The following INPP4B variants were observed in gnomAD, a reference collection of about 807,000 sequenced individuals.
INPP4B encodes inositol polyphosphate 4-phosphatase type II.
INPP4B carries 55 observed loss-of-function variants against 122.5 expected under a neutral mutation model. The observed-to-expected ratio is 0.45, with a 90% CI of 0.36 to 0.56. The LOEUF (loss-of-function observed/expected upper bound fraction) is 0.56, where lower values mean the gene tolerates loss of function less well. Ranked by LOEUF, INPP4B falls within the 20% of genes least tolerant of loss-of-function variation. The pLI is 0.00. For synonymous variants in INPP4B, 403 were observed against 388.7 expected (o/e 1.04, Z -0.43); for missense variants, 1,000 against 1,097.7 (o/e 0.91, Z 1.26).
chr4:142,438,000 A>AGATTTACACAATTTACAGGGGATAT (rs1472736784), intron 3 of INPP4B, among the ~76,000 whole-genome samples: 1 of 152,070 alleles, frequency 6.6e-6, no homozygotes, highest in African/African-American at 2.4e-5. Context: ...AATTGAAAAA[A>AGATTTACACAATTTACAGGGGATAT]GAAGGATCTC....
intron 7 of INPP4B, among the ~76,000 whole-genome samples, chr4:142,372,802 A>G (rs1432236607): frequency 6.6e-6 from 1 of 152,012 alleles, no homozygotes; most frequent in Non-Finnish European, 1.5e-5. Flanking sequence ...AGGAAGGAGT[A>G]ATTAGCTCAG....
intron 14 of INPP4B, among the ~76,000 whole-genome samples, chr4:142,193,792 AG>A (rs879634946): frequency 1.5e-3 from 232 of 152,292 alleles, no homozygotes; most frequent in Middle Eastern, 3.4e-3. Context: ...TCTGTTTTCT[AG>A]TAAGACACTT....
intron 2 of INPP4B, among the ~76,000 whole-genome samples, chr4:142,588,420 C>T (rs1324123417): frequency 6.6e-6 from 1 of 151,592 alleles, no homozygotes; most frequent in African/African-American, 2.4e-5. Flanking sequence ...GAACTAATTA[C>T]AAGAACAATA....
chr4:142,781,948 T>C (rs2151029906), intron 1 of INPP4B, among the ~76,000 whole-genome samples: 1 of 152,030 alleles, frequency 6.6e-6, no homozygotes, highest in South Asian at 2.1e-4. Context: ...CTAACTTTTG[T>C]CTTGCTAACC....
At chr4:142,353,988 TAA>T (rs1238528593) in intron 7 of INPP4B, among the ~76,000 whole-genome samples, 1 of 151,988 alleles carries the variant, frequency 6.6e-6, no homozygotes, top group Non-Finnish European at 1.5e-5. Flanking sequence ...CTTGGTGGTC[TAA>T]GTCATTTCCC....
At chr4:142,703,290 A>G (rs760673608) in intron 2 of INPP4B, among the ~76,000 whole-genome samples, 59 of 152,350 alleles carry the variant, frequency 3.9e-4, no homozygotes, top group Non-Finnish European at 6.8e-4. Context: ...AAATCTCAGA[A>G]TTTTAAATTA....
chr4:142,839,418 A>C (rs1783204223), intron 1 of INPP4B, among the ~76,000 whole-genome samples: 2 of 152,132 alleles, frequency 1.3e-5, no homozygotes, highest in Non-Finnish European at 2.9e-5. Context: ...TGAGCGACAG[A>C]GCAAGACTCC....
chr4:142,750,802 A>C (rs192033842), intron 1 of INPP4B, among the ~76,000 whole-genome samples: 1 of 152,106 alleles, frequency 6.6e-6, no homozygotes, highest in African/African-American at 2.4e-5. Flanking sequence ...CTTGGATGCC[A>C]AGTTATAGAA....
At chr4:142,119,862 C>CTA (rs1254003732) in intron 21 of INPP4B, among the ~76,000 whole-genome samples, 15 of 147,804 alleles carry the variant, frequency 1.0e-4, no homozygotes, top group South Asian at 6.4e-4. Context: ...TATATGAGTT[C>CTA]TATATATATA....
chr4:142,201,795 G>C (rs778325616), intron 14 of INPP4B, among the ~76,000 whole-genome samples: 3 of 151,912 alleles, frequency 2.0e-5, no homozygotes, highest in East Asian at 1.9e-4. Context: ...GTAACAATTT[G>C]GTCGGTAAAA....
At chr4:142,695,950 G>A (rs1204746123) in intron 2 of INPP4B, among the ~76,000 whole-genome samples, 2 of 152,094 alleles carry the variant, frequency 1.3e-5, no homozygotes, top group African/African-American at 4.8e-5. Context: ...GGAAAGGCGG[G>A]CCAGGATAAT....
chr4:142,353,854 C>T (rs1227778643), intron 7 of INPP4B, among the ~76,000 whole-genome samples: 3 of 151,932 alleles, frequency 2.0e-5, no homozygotes, highest in Admixed American at 2.0e-4. Context: ...GGCAGATCAC[C>T]CTGTTCTGTG....
chr4:142,528,848 G>A (rs916203094), intron 2 of INPP4B, among the ~76,000 whole-genome samples: 7 of 152,100 alleles, frequency 4.6e-5, no homozygotes, highest in Non-Finnish European at 8.8e-5. Flanking sequence ...GATATGTGCA[G>A]AATTGAGTAT....
At position 142,406,896 on chromosome 4, in the gene INPP4B, G is replaced by A. The variant is rs116392318; in HGVS notation, c.137-1572C>T. Among the ~76,000 whole-genome samples the A allele has an allele frequency of 5.5e-3, 840 of 152,146 alleles. 4 individuals carry two copies. The highest frequency in any genetic ancestry group is 0.019 in the African/African-American group (805 of 41,474). On this transcript the variant is annotated intron_variant, in intron 5 of 25. Coordinates refer to ENST00000262992, the MANE Select transcript of INPP4B (RefSeq NM_001101669.3). ...TGAAGTGCTCACATTTACATTACTA[G>A]AATTCTCTGGTAGCTTACATCCTAC...
intron 25 of INPP4B, among the ~76,000 whole-genome samples, chr4:142,037,639 G>T (rs937360401): frequency 6.6e-6 from 1 of 152,132 alleles, no homozygotes; most frequent in Non-Finnish European, 1.5e-5. Context: ...TTGAAGCTAT[G>T]GGTATACCAT....
intron 12 of INPP4B, among the ~76,000 whole-genome samples, chr4:142,214,372 G>T (rs1472825964): frequency 6.6e-6 from 1 of 152,130 alleles, no homozygotes; most frequent in African/African-American, 2.4e-5. Flanking sequence ...GTAACCCCAG[G>T]ATTTGTAATA....
chr4:142,030,299 T>C (rs577900727), intron 25 of INPP4B: 1 of 1,534,782 alleles, frequency 6.5e-7, no homozygotes, highest in African/African-American at 1.4e-5. Flanking sequence ...CCTGGGTTTG[T>C]CTGCTGTTAA....
At chr4:142,494,082 C>T (rs1465060621) in intron 2 of INPP4B, among the ~76,000 whole-genome samples, 1 of 152,098 alleles carries the variant, frequency 6.6e-6, no homozygotes, top group Non-Finnish European at 1.5e-5. Flanking sequence ...CTTACTGCTG[C>T]CATTTGAAGA....
chr4:142,626,531 C>T (rs1746448372), intron 2 of INPP4B, among the ~76,000 whole-genome samples: 2 of 151,920 alleles, frequency 1.3e-5, no homozygotes, highest in Non-Finnish European at 2.9e-5. Flanking sequence ...TGGATTCTGC[C>T]AACAATGATG....
Sources: gnomAD v4.1 joint callset for allele counts (sites outside exome capture counted in the v4.1 genomes callset) on GRCh38, gnomAD v4.1.1 for gene constraint, MANE v1.5 for transcripts, NCBI Gene and HGNC (gene_info 2026-07-23, HGNC 2026-07-21) for gene names.